The following ARID3A variants were observed in gnomAD, a reference collection of about 807,000 sequenced individuals.
ARID3A encodes the protein AT-rich interactive domain-containing protein 3A.
Under a neutral mutation model 52.7 loss-of-function variants are expected in ARID3A, and 11 were observed. The observed-to-expected ratio is 0.21, with a 90% CI of 0.13 to 0.35. The LOEUF (loss-of-function observed/expected upper bound fraction) is 0.35, where lower values mean the gene tolerates loss of function less well. ARID3A is among the 10% of genes least tolerant of loss of function. ARID3A has a pLI of 1.00. For synonymous variants in ARID3A, 404 were observed against 359.4 expected (o/e 1.12, Z -1.40); for missense variants, 721 against 838.5 (o/e 0.86, Z 1.73).
intron 3 of ARID3A, among the ~76,000 whole-genome samples, chr19:953,701 G>C (rs771938895): frequency 6.6e-6 from 1 of 152,172 alleles, no homozygotes; most frequent in South Asian, 2.1e-4. Flanking sequence ...GGAGCCGAGC[G>C]GGGACCCGGG....
chr19:949,061 G>A (rs1391175872), intron 3 of ARID3A, among the ~76,000 whole-genome samples: 1 of 152,128 alleles, frequency 6.6e-6, no homozygotes, highest in African/African-American at 2.4e-5. Context: ...GGTGCACTCT[G>A]GCCGCCTCCT....
In ARID3A at chr19:941,277, G is replaced by A. The variant is rs187513579; in HGVS notation, c.693+8535G>A. 5.3e-5 allele frequency among the ~76,000 whole-genome samples: 8 copies of A among 152,362 alleles called. No homozygotes were observed. The East Asian group carries it at 9.7e-4, about 18-fold the overall frequency. On this transcript the variant is annotated intron_variant, in intron 3 of 8. Coordinates refer to ENST00000263620, the MANE Select transcript of ARID3A (RefSeq NM_005224.3). The surrounding 1 kb of genome is among the most constrained non-coding windows in gnomAD (Gnocchi z 6.9). The stretch of plus-strand genomic sequence containing the variant: ...GTGCACGCTGGGGCTGTGGCCGGGC[G>A]GCTCGTGGGTCCTGTCTCGTGGGAC...
At chr19:945,919 G>T (rs1471920294) in intron 3 of ARID3A, among the ~76,000 whole-genome samples, 3 of 152,206 alleles carry the variant, frequency 2.0e-5, no homozygotes, top group Non-Finnish European at 4.4e-5. Flanking sequence ...TGACACTTCT[G>T]AGGCTTTCTG....
intron 3 of ARID3A, among the ~76,000 whole-genome samples, chr19:950,829 G>GT (rs3216346): frequency 0.034 from 5,079 of 148,206 alleles, 189 homozygotes; most frequent in East Asian, 0.2. Context: ...TCTTTATTTT[G>GT]TTTTTTTTTT....
intron 8 of ARID3A, among the ~76,000 whole-genome samples, chr19:970,490 T>C (rs573384979): frequency 2.8e-5 from 4 of 145,344 alleles, no homozygotes; most frequent in East Asian, 2.0e-4. Flanking sequence ...AGTAAATGAA[T>C]AGTTTTTCTT....
intron 7 of ARID3A, among the ~76,000 whole-genome samples, chr19:967,773 G>A (rs1212500319): frequency 2.6e-5 from 4 of 151,968 alleles, no homozygotes; most frequent in South Asian, 2.1e-4. Flanking sequence ...GGTCGGGCGC[G>A]GTGGCCCACG....
chr19:953,407 G>A (rs2037843878), intron 3 of ARID3A, among the ~76,000 whole-genome samples: 3 of 151,814 alleles, frequency 2.0e-5, no homozygotes, highest in Admixed American at 2.0e-4. Context: ...CCTCACAGGT[G>A]CCCCCTCCAG....
In ARID3A at chr19:958,450, A is replaced by G. The variant is rs972898854; in HGVS notation, c.694-1642A>G. Reference sequence around the variant, plus strand: ...CTCAAAAAAAAAAAAAAAAAAGAAGAAAGAAAAAGAAAAGAAGAGGACAGG... The same window carrying G: ...CTCAAAAAAAAAAAAAAAAAAGAAGGAAGAAAAAGAAAAGAAGAGGACAGG... On this transcript the variant is annotated intron_variant, in intron 3 of 8. Coordinates refer to ENST00000263620, the MANE Select transcript of ARID3A (RefSeq NM_005224.3). 2.6e-5 allele frequency among the ~76,000 whole-genome samples: 4 copies of G among 151,372 alleles called. 1 individual carries two copies. In the South Asian group the frequency reaches 6.3e-4, roughly 24 times the overall value.
chr19:937,085 C>G (rs1215984564), intron 3 of ARID3A, among the ~76,000 whole-genome samples: 1 of 152,016 alleles, frequency 6.6e-6, no homozygotes, highest in Non-Finnish European at 1.5e-5. Context: ...CTGGCCAACA[C>G]AGCAAAACCC....
chr19:942,453 G>A lies in ARID3A; in HGVS notation c.693+9711G>A, dbSNP rs1234246230. Among the ~76,000 whole-genome samples the A allele has an allele frequency of 1.3e-5, 2 of 152,174 alleles. No homozygotes were observed. The highest frequency in any genetic ancestry group is 2.4e-5 in the African/African-American group (1 of 41,452). ...GGTGCCGACCTGGTGGGTGGCACACGGGGGGCGGGTGCGGACCGCCTCTTC... is the reference window on the plus strand; with the variant it reads ...GGTGCCGACCTGGTGGGTGGCACACAGGGGGCGGGTGCGGACCGCCTCTTC... On this transcript the variant is annotated intron_variant, in intron 3 of 8. Transcript: ENST00000263620. This position sits in a 1 kb window ranked among gnomAD's most constrained non-coding sequence, Gnocchi z 8.1.
intron 3 of ARID3A, among the ~76,000 whole-genome samples, chr19:953,146 C>T (rs564521350): frequency 4.6e-5 from 7 of 152,086 alleles, no homozygotes; most frequent in East Asian, 1.9e-4. Context: ...AGGGGTGGTC[C>T]GGGCAGCCGG....
chr19:946,983 CAG>C (rs1599402105), intron 3 of ARID3A, among the ~76,000 whole-genome samples: 1 of 140,192 alleles, frequency 7.1e-6, no homozygotes, highest in African/African-American at 2.7e-5. Context: ...TTTGTAAAAA[CAG>C]GGTTTTGTCA....
intron 3 of ARID3A, among the ~76,000 whole-genome samples, chr19:949,366 C>G (rs534729742): frequency 1.3e-5 from 2 of 152,130 alleles, no homozygotes; most frequent in East Asian, 3.9e-4. Context: ...CTCCGCCGTG[C>G]CAGATAGCAG....
chr19:965,709 A>G (rs982517423), intron 6 of ARID3A, among the ~76,000 whole-genome samples: 2 of 152,070 alleles, frequency 1.3e-5, no homozygotes, highest in African/African-American at 4.8e-5. Flanking sequence ...AAATTTTTTT[A>G]GGCCAGGCAC....
chr19:954,450 A>C (rs2037872717), intron 3 of ARID3A, among the ~76,000 whole-genome samples: 1 of 152,262 alleles, frequency 6.6e-6, no homozygotes, highest in African/African-American at 2.4e-5. Flanking sequence ...TTGGCATCGC[A>C]CTGAGAAAGC....
At chr19:953,764 C>T (rs1316817672) in intron 3 of ARID3A, among the ~76,000 whole-genome samples, 2 of 152,092 alleles carry the variant, frequency 1.3e-5, no homozygotes, top group Non-Finnish European at 2.9e-5. Flanking sequence ...GGGTGGGGGC[C>T]TGTGCGTTTT....
At chr19:969,224 G>A (rs1355156235) in intron 8 of ARID3A, among the ~76,000 whole-genome samples, 1 of 151,924 alleles carries the variant, frequency 6.6e-6, no homozygotes, top group East Asian at 1.9e-4. Context: ...ATCACATCAG[G>A]GTAAATGAGG....
In ARID3A at chr19:931,487, A is replaced by G. The variant is rs181330390; in HGVS notation, c.369-931A>G. Among the ~76,000 whole-genome samples the G allele has an allele frequency of 4.2e-3, 630 of 150,920 alleles. 3 individuals carry two copies. The highest frequency in any genetic ancestry group is 6.4e-3 in the Non-Finnish European group (432 of 67,804). On this transcript the variant is annotated intron_variant, in intron 2 of 8. Transcript: ENST00000263620. ...AAAAAACAACCAAACAAAACCTAGC[A>G]GCAAAGAAGCAGGTGATATCAGGTT... is the stretch of plus-strand genomic sequence containing the variant.
At chr19:971,824 C>A in intron 8 of ARID3A, 54 bp from the exon 9 acceptor site, 1 of 1,537,506 alleles carries the variant, frequency 6.5e-7, no homozygotes, top group Non-Finnish European at 8.7e-7. Context: ...CCTTGTGGCC[C>A]GCCTCGCATC....
Sources: gnomAD v4.1 joint callset for allele counts (sites outside exome capture counted in the v4.1 genomes callset) on GRCh38, gnomAD v4.1.1 for gene constraint, Gnocchi (gnomAD v3.1) non-coding constraint, MANE v1.5 for transcripts, NCBI Gene and HGNC (gene_info 2026-07-23, HGNC 2026-07-21) for gene names.